The following VAV2 variants were observed in gnomAD, a reference collection of about 807,000 sequenced individuals.
VAV2 encodes vav guanine nucleotide exchange factor 2.
VAV2 carries 67 observed loss-of-function variants against 132.5 expected under a neutral mutation model. The ratio of observed to expected loss-of-function variants is 0.51; its 90% CI spans 0.42 to 0.62. VAV2 has a LOEUF of 0.62. Among genes scored for constraint, VAV2 ranks in the 20% least tolerant of loss-of-function variants. The pLI is 0.00. For synonymous variants in VAV2, 492 were observed against 443.5 expected, an observed-to-expected ratio of 1.11 and a Z score of -1.37; for missense variants, 938 against 1,153.6, an observed-to-expected ratio of 0.81 and a Z score of 2.71.
intron 2 of VAV2, among the ~76,000 whole-genome samples, chr9:133,874,248 T>TGGCTGGGCA (rs996650168): frequency 1.3e-5 from 2 of 152,234 alleles, no homozygotes; most frequent in African/African-American, 4.8e-5. Flanking sequence ...CCAGCAAGAC[T>TGGCTGGGCA]GGCTGGGCAG....
chr9:133,874,523 C>T (rs1186916889), intron 2 of VAV2, among the ~76,000 whole-genome samples: 1 of 152,184 alleles, frequency 6.6e-6, no homozygotes, highest in Non-Finnish European at 1.5e-5. Context: ...CTGCCTAGCG[C>T]GTGAGTCACT....
intron 3 of VAV2, 134 bp downstream of exon 3, chr9:133,861,240 C>T (rs1837581716): frequency 9.9e-7 from 1 of 1,014,152 alleles, no homozygotes; most frequent in Non-Finnish European, 1.4e-6. Context: ...GGTTACGCGA[C>T]AACACGCTGC....
chr9:133,878,277 C>A (rs150498888), intron 2 of VAV2, among the ~76,000 whole-genome samples: 1 of 152,196 alleles, frequency 6.6e-6, no homozygotes, highest in Non-Finnish European at 1.5e-5. Flanking sequence ...AGGAGCCACA[C>A]AAGGAAGGCC....
chr9:133,838,133 C>A (rs1407118075), intron 3 of VAV2, among the ~76,000 whole-genome samples: 1 of 152,014 alleles, frequency 6.6e-6, no homozygotes, highest in African/African-American at 2.4e-5. Context: ...TCACTCCGCT[C>A]CCCCCACAGC....
intron 11 of VAV2, 57 bp downstream of exon 11, chr9:133,796,372 C>G (rs1258876133): frequency 8.6e-6 from 13 of 1,503,580 alleles, no homozygotes; most frequent in Non-Finnish European, 1.2e-5. Context: ...AAGCTGCCAG[C>G]CCTCATCTGA....
intron 1 of VAV2, among the ~76,000 whole-genome samples, chr9:133,967,629 C>T (rs1318885860): frequency 6.6e-6 from 1 of 152,110 alleles, no homozygotes; most frequent in African/African-American, 2.4e-5. Flanking sequence ...AAGCCAGACA[C>T]AGAAAGCTAA....
chr9:133,770,766 A>G (rs1833594277), intron 26 of VAV2, among the ~76,000 whole-genome samples: 2 of 152,242 alleles, frequency 1.3e-5, no homozygotes, highest in African/African-American at 4.8e-5. Flanking sequence ...CAGCCTTTAT[A>G]AAGGAAAGAA....
chr9:133,790,663 A>T (rs181587271), intron 13 of VAV2, among the ~76,000 whole-genome samples: 211 of 152,238 alleles, frequency 1.4e-3, no homozygotes, highest in Non-Finnish European at 1.9e-3. Context: ...CCTCCTCTGC[A>T]CCCACACATT....
At chr9:133,930,261 C>A (rs1184751420) in intron 2 of VAV2, among the ~76,000 whole-genome samples, 1 of 152,118 alleles carries the variant, frequency 6.6e-6, no homozygotes, top group Non-Finnish European at 1.5e-5. Context: ...CTCCCGGCCT[C>A]TTCACTACCC....
chr9:133,868,896 C>A (rs1250140258), intron 2 of VAV2, among the ~76,000 whole-genome samples: 1 of 152,200 alleles, frequency 6.6e-6, no homozygotes, highest in Non-Finnish European at 1.5e-5. Flanking sequence ...GGAAATCAAG[C>A]TGGGTGCAGT....
In VAV2 at chr9:133,986,853, T is replaced by G. The variant is rs372976541; in HGVS notation, c.204+5222A>C. Among the ~76,000 whole-genome samples, 76 of 152,150 alleles carry G rather than the reference T, an allele frequency of 5.0e-4. 1 individual carries two copies. The East Asian group carries it at 0.014, about 28-fold the overall frequency. On this transcript the variant is annotated intron_variant, in intron 1 of 29. Transcript: ENST00000371850. ...GCCCTTCGGGCACTTCCATGTCGCT[T>G]TTCAGTCACCAAGCACCTCATCAAC...
chr9:133,792,410 G>C (rs1349799704), intron 12 of VAV2, among the ~76,000 whole-genome samples: 1 of 150,566 alleles, frequency 6.6e-6, no homozygotes, highest in East Asian at 2.0e-4. Flanking sequence ...GTGTATGAGT[G>C]ATTGTGTGAG....
rs377621489 is a variant in VAV2, at chr9:133,882,142, C to T, written c.322-20710G>A. Among the ~76,000 whole-genome samples, 3 of 152,370 alleles carry T rather than the reference C, an allele frequency of 2.0e-5. No individual in the cohort carries two copies. In the East Asian group the frequency reaches 5.8e-4, roughly 29 times the overall value. On this transcript the variant is annotated intron_variant, in intron 2 of 29. Transcript: ENST00000371850. ...GTACGGGACACAGTGGACAGACAGG[C>T]CCAGCCATGCCCTGCAGAGCTCTCG...
At chr9:133,869,996 T>C (rs1226584189) in intron 2 of VAV2, among the ~76,000 whole-genome samples, 1 of 152,264 alleles carries the variant, frequency 6.6e-6, no homozygotes, top group Non-Finnish European at 1.5e-5. Context: ...CAGCCTGTGT[T>C]ATCCTTCATT....
chr9:133,805,378 G>T (rs1835092182), intron 9 of VAV2, among the ~76,000 whole-genome samples: 1 of 152,114 alleles, frequency 6.6e-6, no homozygotes, highest in Non-Finnish European at 1.5e-5. Flanking sequence ...TCCTCCAAAG[G>T]ATCCCCGAGG....
chr9:133,819,930 C>T (rs182837128), intron 4 of VAV2, among the ~76,000 whole-genome samples: 41 of 152,272 alleles, frequency 2.7e-4, no homozygotes, highest in East Asian at 1.3e-3. Flanking sequence ...TAAAATCAAA[C>T]GTATTTGATA....
intron 12 of VAV2, among the ~76,000 whole-genome samples, chr9:133,793,731 G>A (rs1462775895): frequency 6.6e-6 from 1 of 152,132 alleles, no homozygotes; most frequent in African/African-American, 2.4e-5. Context: ...TCAGCTCATG[G>A]AGCTTGGACC....
intron 2 of VAV2, among the ~76,000 whole-genome samples, chr9:133,864,090 G>T (rs1005448746): frequency 6.6e-6 from 1 of 152,106 alleles, no homozygotes; most frequent in Admixed American, 6.5e-5. Context: ...TTCCGATATC[G>T]CAAATGTCAA....
rs144556289 is a variant in VAV2, at chr9:133,839,917, T to G, written c.381-5577A>C. On this transcript the variant is annotated intron_variant, in intron 3 of 29. Transcript: ENST00000371850. ...CTGGGGCCACATCCCAGCTGTAACT[T>G]AAAGCCCAGTGGGGGTGGGTTGGGT... Among the ~76,000 whole-genome samples, 457 of 152,304 alleles carry G rather than the reference T, an allele frequency of 3.0e-3. 3 individuals are homozygous for G. The highest frequency in any genetic ancestry group is 0.017 in the Middle Eastern group (5 of 292).
Sources: allele counts gnomAD v4.1 joint callset (sites outside exome capture counted in the v4.1 genomes callset), GRCh38; gene constraint gnomAD v4.1.1; transcripts MANE v1.5; gene names NCBI Gene and HGNC (gene_info 2026-07-23, HGNC 2026-07-21).